ROBO1: variants seen among roughly 807,000 people sequenced by gnomAD.
ROBO1 encodes the protein roundabout guidance receptor 1, also known as roundabout homolog 1.
In ROBO1, 149 loss-of-function variants were observed where a neutral mutation model predicts 195.9. The ratio of observed to expected loss-of-function variants is 0.76; its 90% CI spans 0.67 to 0.87. ROBO1 has a LOEUF of 0.87. Among genes scored for constraint, ROBO1 ranks in the 40% least tolerant of loss-of-function variants. ROBO1 has a pLI of 0.00. For missense variants in ROBO1, 1,933 were observed against 2,068.3 expected (o/e 0.93, Z 1.27); for synonymous variants, 816 against 733.2 (o/e 1.11, Z -1.82).
chr3:78,679,536 G>C (rs1350534921), intron 10 of ROBO1, among the ~76,000 whole-genome samples: 1 of 152,018 alleles, frequency 6.6e-6, no homozygotes, highest in African/African-American at 2.4e-5. Context: ...ACCAATAACA[G>C]ACAAACACAG....
chr3:78,691,716 AC>A (rs1334108781), intron 8 of ROBO1, among the ~76,000 whole-genome samples: 1 of 152,212 alleles, frequency 6.6e-6, no homozygotes. Flanking sequence ...TTAACAGCAT[AC>A]AAATGGCTTT....
chr3:79,288,253 A>G (rs1430861281), intron 2 of ROBO1, among the ~76,000 whole-genome samples: 1 of 152,146 alleles, frequency 6.6e-6, no homozygotes, highest in Non-Finnish European at 1.5e-5. Context: ...TTATTACTGC[A>G]CTTCTGAAAC....
At chr3:78,795,350 G>A (rs978754886) in intron 4 of ROBO1, among the ~76,000 whole-genome samples, 2 of 152,112 alleles carry the variant, frequency 1.3e-5, no homozygotes, top group African/African-American at 2.4e-5. Flanking sequence ...ACAAAATTAC[G>A]GCCTCCCCCT....
At chr3:78,711,741 G>A (rs535847981) in intron 8 of ROBO1, among the ~76,000 whole-genome samples, 21 of 150,368 alleles carry the variant, frequency 1.4e-4, no homozygotes, top group Non-Finnish European at 2.8e-4. Context: ...TGACCACCTC[G>A]GCCTCCCATA....
chr3:79,319,114 A>G (rs1193006254), intron 2 of ROBO1, among the ~76,000 whole-genome samples: 2 of 151,646 alleles, frequency 1.3e-5, no homozygotes, highest in Non-Finnish European at 2.9e-5. Context: ...CTCATCCCTC[A>G]CTCCTCTCCT....
intron 2 of ROBO1, among the ~76,000 whole-genome samples, chr3:79,223,796 G>A (rs1327641557): frequency 6.6e-6 from 1 of 152,100 alleles, no homozygotes; most frequent in African/African-American, 2.4e-5. Context: ...TGACATCGCT[G>A]TACTCTCCCT....
rs115023497 is a variant in ROBO1 at position 78,919,714 on chromosome 3, T to C, written c.499+18887A>G. On this transcript the variant is annotated intron_variant, in intron 4 of 30. Coordinates refer to ENST00000464233, the MANE Select transcript of ROBO1 (RefSeq NM_002941.4). ...CTTTGTCTTTACATCACAGAAAAAG[T>C]TGAGGAAGGTAAATCGATGGAGGTT... Among the ~76,000 whole-genome samples the C allele has an allele frequency of 3.6e-3, 548 of 152,250 alleles. 4 individuals carry two copies. Among genetic ancestry groups the C allele is most frequent in the African/African-American group, 0.012 (515 of 41,552 alleles).
intron 7 of ROBO1, among the ~76,000 whole-genome samples, chr3:78,715,509 T>C (rs1029855785): frequency 6.6e-5 from 10 of 152,094 alleles, no homozygotes; most frequent in Admixed American, 1.3e-4. Flanking sequence ...GTAACACCCA[T>C]AGTGCTAACA....
At chr3:79,092,696 G>A (rs1437837195) in intron 3 of ROBO1, among the ~76,000 whole-genome samples, 1 of 152,076 alleles carries the variant, frequency 6.6e-6, no homozygotes, top group Non-Finnish European at 1.5e-5. Flanking sequence ...TAGAGAAGTT[G>A]AGAAAATTAT....
At chr3:79,553,219 A>G (rs1473309412) in intron 2 of ROBO1, among the ~76,000 whole-genome samples, 1 of 151,952 alleles carries the variant, frequency 6.6e-6, no homozygotes, top group African/African-American at 2.4e-5. Context: ...TTTTAATTTG[A>G]ACAAACTCTA....
intron 2 of ROBO1, among the ~76,000 whole-genome samples, chr3:79,207,357 C>A (rs1180248371): frequency 6.6e-6 from 1 of 152,084 alleles, no homozygotes; most frequent in Non-Finnish European, 1.5e-5. Flanking sequence ...GGCCAGCTAA[C>A]CTATAAATTC....
At chr3:78,970,548 C>A (rs2076740584) in intron 3 of ROBO1, among the ~76,000 whole-genome samples, 1 of 151,962 alleles carries the variant, frequency 6.6e-6, no homozygotes, top group Admixed American at 6.6e-5. Flanking sequence ...TATCACTTCC[C>A]CAAATCTGAA....
chr3:78,928,201 CAG>C (rs1347589117), intron 4 of ROBO1, among the ~76,000 whole-genome samples: 1 of 152,086 alleles, frequency 6.6e-6, no homozygotes, highest in Admixed American at 6.5e-5. Flanking sequence ...GACTTAATGA[CAG>C]AATTAATTGT....
chr3:79,368,554 C>T (rs112064630), intron 2 of ROBO1, among the ~76,000 whole-genome samples: 5,295 of 152,050 alleles, frequency 0.035, 135 homozygotes, highest in Non-Finnish European at 0.054. Flanking sequence ...AAAACAACCT[C>T]CTAAAATTCT....
chr3:79,052,340 C>T (rs370847757), intron 3 of ROBO1, among the ~76,000 whole-genome samples: 1 of 152,072 alleles, frequency 6.6e-6, no homozygotes, highest in African/African-American at 2.4e-5. Context: ...TTTAGTCAGA[C>T]TGGTTGTCTG....
At chr3:79,118,896 T>C (rs2080063255) in intron 3 of ROBO1, among the ~76,000 whole-genome samples, 1 of 151,556 alleles carries the variant, frequency 6.6e-6, no homozygotes, top group South Asian at 2.1e-4. Context: ...AAGCAATCTC[T>C]CCACAGTTAA....
chr3:78,989,862 T>C (rs913052896), intron 3 of ROBO1, among the ~76,000 whole-genome samples: 3 of 152,108 alleles, frequency 2.0e-5, no homozygotes, highest in Admixed American at 2.0e-4. Context: ...GAATTTAATA[T>C]ATAAATTAAG....
At chr3:78,611,047 G>A (rs1703777579) in intron 28 of ROBO1, among the ~76,000 whole-genome samples, 1 of 152,122 alleles carries the variant, frequency 6.6e-6, no homozygotes, top group South Asian at 2.1e-4. Context: ...ATGTATGTGT[G>A]TAGACTTCAT....
chr3:79,133,727 G>A (rs1327132197), intron 2 of ROBO1, among the ~76,000 whole-genome samples: 20 of 117,856 alleles, frequency 1.7e-4, no homozygotes, highest in Admixed American at 6.7e-4. Context: ...TTGCTGGTGA[G>A]GAACTGCGTT....
Sources: gnomAD v4.1 joint callset for allele counts (sites outside exome capture counted in the v4.1 genomes callset) on GRCh38, gnomAD v4.1.1 for gene constraint, MANE v1.5 for transcripts, NCBI Gene and HGNC (gene_info 2026-07-23, HGNC 2026-07-21) for gene names.